ADCY2: variants seen among roughly 807,000 people sequenced by gnomAD.
The protein encoded by ADCY2 is adenylate cyclase 2, also known as adenylate cyclase type 2.
ADCY2 carries 31 observed loss-of-function variants against 125.2 expected under a neutral mutation model. The ratio of observed to expected loss-of-function variants is 0.25; its 90% CI spans 0.19 to 0.33. The LOEUF is 0.33. ADCY2 is among the 10% of genes least tolerant of loss of function. The probability of loss-of-function intolerance (pLI) is 1.00; values close to 1 mark genes in which losing one functional copy is unlikely to be tolerated. For synonymous variants in ADCY2, 512 were observed against 548.4 expected (o/e 0.93, Z 0.93); for missense variants, 904 against 1,418.2 (o/e 0.64, Z 5.82).
chr5:7,522,779 A>G (rs1744499134), intron 3 of ADCY2, among the ~76,000 whole-genome samples: 1 of 139,062 alleles, frequency 7.2e-6, no homozygotes, highest in South Asian at 2.3e-4. Context: ...AAAAAAAATT[A>G]GCCGGGCGTG....
At chr5:7,539,526 T>G (rs1734928533) in intron 3 of ADCY2, among the ~76,000 whole-genome samples, 1 of 152,232 alleles carries the variant, frequency 6.6e-6, no homozygotes. Context: ...TGTACCAGAT[T>G]CTGCATTTAG....
chr5:7,536,887 T>C (rs1177138720), intron 3 of ADCY2, among the ~76,000 whole-genome samples: 6 of 152,128 alleles, frequency 3.9e-5, no homozygotes, highest in Non-Finnish European at 8.8e-5. Context: ...GATGGGTTGA[T>C]GGGTGCAGGA....
intron 3 of ADCY2, among the ~76,000 whole-genome samples, chr5:7,621,333 G>C (rs926808185): frequency 2.6e-5 from 4 of 152,128 alleles, no homozygotes; most frequent in African/African-American, 9.7e-5. Flanking sequence ...AATGATGAAA[G>C]CACTTTACAG....
At chr5:7,668,958 T>A (rs1441248593) in intron 4 of ADCY2, among the ~76,000 whole-genome samples, 1 of 152,202 alleles carries the variant, frequency 6.6e-6, no homozygotes, top group Non-Finnish European at 1.5e-5. Context: ...ACTCCACTAT[T>A]TTCCTGAAAC....
At chr5:7,519,254 C>T (rs1297282736) in intron 2 of ADCY2, among the ~76,000 whole-genome samples, 4 of 152,188 alleles carry the variant, frequency 2.6e-5, no homozygotes, top group African/African-American at 9.6e-5. Flanking sequence ...TTCTCCCAGG[C>T]TTCCCTCTTT....
At chr5:7,699,080 C>CGTTTTT (rs1740989782) in intron 7 of ADCY2, among the ~76,000 whole-genome samples, 1 of 36,558 alleles carries the variant, frequency 2.7e-5, no homozygotes, top group Non-Finnish European at 5.7e-5. Flanking sequence ...CAACAGTAAG[C>CGTTTTT]ATTTTTTTTT....
At chr5:7,689,297 A>G (rs1245748246) in intron 4 of ADCY2, among the ~76,000 whole-genome samples, 1 of 152,234 alleles carries the variant, frequency 6.6e-6, no homozygotes, top group Non-Finnish European at 1.5e-5. Flanking sequence ...CAACTGAAGC[A>G]GAGCAGTCTC....
chr5:7,484,671 A>T (rs543128217), intron 2 of ADCY2, among the ~76,000 whole-genome samples: 1 of 152,216 alleles, frequency 6.6e-6, no homozygotes, highest in African/African-American at 2.4e-5. Context: ...CTTTCTTTCT[A>T]TCATAAACTA....
At chr5:7,424,304 C>G (rs964012566) in intron 2 of ADCY2, among the ~76,000 whole-genome samples, 10 of 152,270 alleles carry the variant, frequency 6.6e-5, no homozygotes, top group African/African-American at 2.4e-4. Context: ...CTTATTTGAT[C>G]TGTATAACCC....
intron 17 of ADCY2, among the ~76,000 whole-genome samples, chr5:7,767,892 G>T (rs938072405): frequency 1.3e-5 from 2 of 152,198 alleles, no homozygotes; most frequent in Non-Finnish European, 2.9e-5. Flanking sequence ...TTAGCCGGAT[G>T]TGGTGGCAGG....
intron 5 of ADCY2, among the ~76,000 whole-genome samples, chr5:7,693,411 T>TTTTTTTTTTTTTTTA (rs1740778259): frequency 1.5e-5 from 1 of 68,798 alleles, no homozygotes; most frequent in Non-Finnish European, 3.6e-5. Context: ...CTGCTGTTTT[T>TTTTTTTTTTTTTTTA]TGTTTTTTTT....
intron 3 of ADCY2, 93 bp from the exon 4 acceptor site, chr5:7,626,074 C>A: frequency 7.2e-7 from 1 of 1,380,944 alleles, no homozygotes. Flanking sequence ...GCAGTTATCT[C>A]TCTGAAGACT....
At chr5:7,599,199 G>T (rs1737116566) in intron 3 of ADCY2, among the ~76,000 whole-genome samples, 1 of 152,170 alleles carries the variant, frequency 6.6e-6, no homozygotes, top group Admixed American at 6.5e-5. Context: ...TACAGGGACA[G>T]CCCAAGGACA....
At chr5:7,749,074 A>G in intron 15 of ADCY2, among the ~76,000 whole-genome samples, 1 of 152,228 alleles carries the variant, frequency 6.6e-6, no homozygotes, top group East Asian at 1.9e-4. Flanking sequence ...GACATGGACC[A>G]GCATGGCACC....
At chr5:7,820,774 T>C in intron 24 of ADCY2, 85 bp downstream of exon 24, 1 of 1,434,800 alleles carries the variant, frequency 7.0e-7, no homozygotes, top group Non-Finnish European at 9.2e-7. Flanking sequence ...AGGATACTAA[T>C]ATATTAAAAC....
At chr5:7,626,873 T>A (rs928375299) in intron 4 of ADCY2, among the ~76,000 whole-genome samples, 1 of 152,088 alleles carries the variant, frequency 6.6e-6, no homozygotes, top group African/African-American at 2.4e-5. Context: ...GACAAGCATC[T>A]AAACTGTAAT....
intron 3 of ADCY2, among the ~76,000 whole-genome samples, chr5:7,534,213 T>A (rs1331511346): frequency 1.3e-5 from 2 of 152,222 alleles, no homozygotes; most frequent in Non-Finnish European, 2.9e-5. Flanking sequence ...TCTAGTGTCT[T>A]TTCTTGGCTT....
intron 4 of ADCY2, among the ~76,000 whole-genome samples, chr5:7,653,864 A>G (rs1451284840): frequency 6.6e-6 from 1 of 152,122 alleles, no homozygotes; most frequent in African/African-American, 2.4e-5. Flanking sequence ...AAATATCATG[A>G]GCTTTCAAAA....
rs1245676537 is a variant in ADCY2 at position 7,666,329 on chromosome 5, C to T, written c.721-24362C>T. On this transcript the variant is annotated intron_variant, in intron 4 of 24. Coordinates refer to ENST00000338316, the MANE Select transcript of ADCY2 (RefSeq NM_020546.3). ...TGTCACCCAGGCTGGAGTGCAGTGG[C>T]GCGATCTCGGCTCACTGCAAGCTCA... 4.7e-5 allele frequency among the ~76,000 whole-genome samples: 7 copies of T among 149,772 alleles called. No individual in the cohort carries two copies. In the East Asian group the frequency reaches 8.2e-4, roughly 17 times the overall value.
Sources: allele counts gnomAD v4.1 joint callset (sites outside exome capture counted in the v4.1 genomes callset), GRCh38; gene constraint gnomAD v4.1.1; transcripts MANE v1.5; gene names NCBI Gene and HGNC (gene_info 2026-07-23, HGNC 2026-07-21).